CCSER1: variants seen among roughly 807,000 people sequenced by gnomAD.
CCSER1 encodes serine-rich coiled-coil domain-containing protein 1.
In CCSER1, 41 loss-of-function variants were observed where a neutral mutation model predicts 82.0. The observed-to-expected ratio is 0.50, with a 90% CI of 0.39 to 0.65. The LOEUF (loss-of-function observed/expected upper bound fraction) is 0.65, where lower values mean the gene tolerates loss of function less well. CCSER1 is among the 30% of genes least tolerant of loss of function. The probability of loss-of-function intolerance (pLI) is 0.00; values close to 1 mark genes in which losing one functional copy is unlikely to be tolerated. For missense variants in CCSER1, 1,119 were observed against 1,064.2 expected (o/e 1.05, Z -0.72); for synonymous variants, 414 against 383.9 (o/e 1.08, Z -0.92).
rs145317989 is a variant in CCSER1, at chr4:91,474,249, A to G, written c.2218-124323A>G. The stretch of plus-strand genomic sequence containing the variant: ...CATAAGTGTTTTCATTATTCCCTAT[A>G]TAACACCACAAAATGGATAAAAATC... On this transcript the variant is annotated intron_variant, in intron 10 of 10. Coordinates refer to ENST00000509176, the MANE Select transcript of CCSER1 (RefSeq NM_001145065.2). Among the ~76,000 whole-genome samples, 1,365 of 152,078 alleles carry G rather than the reference A, an allele frequency of 9.0e-3. 11 individuals carry two copies. The highest frequency in any genetic ancestry group is 0.041 in the Middle Eastern group (12 of 294).
chr4:90,142,626 C>T (rs1440706496), intron 1 of CCSER1, among the ~76,000 whole-genome samples: 1 of 145,484 alleles, frequency 6.9e-6, no homozygotes, highest in Non-Finnish European at 1.5e-5. Context: ...TTATTTACCA[C>T]TTTTTTTTTT....
chr4:91,205,991 C>A (rs868757541), intron 10 of CCSER1, among the ~76,000 whole-genome samples: 3 of 151,680 alleles, frequency 2.0e-5, no homozygotes, highest in Non-Finnish European at 2.9e-5. Context: ...ATGAGAAGTG[C>A]AGAGAGCTAA....
At chr4:90,271,826 T>TTATATATATATATATATATATATA (rs1189309598) in intron 1 of CCSER1, among the ~76,000 whole-genome samples, 10 of 42,868 alleles carry the variant, frequency 2.3e-4, no homozygotes, top group African/African-American at 8.0e-4. Context: ...ACTGGACAAT[T>TTATATATATATATATATATATATA]TATATATATA....
At chr4:90,190,549 T>C (rs1735437444) in intron 1 of CCSER1, among the ~76,000 whole-genome samples, 1 of 152,108 alleles carries the variant, frequency 6.6e-6, no homozygotes, top group Non-Finnish European at 1.5e-5. Flanking sequence ...CCACCGGGGC[T>C]TTCATGGATT....
In CCSER1 at chr4:90,405,785, A is replaced by G. The variant is rs186680219; in HGVS notation, c.1603+5656A>G. Reference sequence around the variant, plus strand: ...TAAGCTTCATAAATGAAGGAAAGATAAAGTCTTTTCCAGACAAATAAACAC... The same window carrying G: ...TAAGCTTCATAAATGAAGGAAAGATGAAGTCTTTTCCAGACAAATAAACAC... On this transcript the variant is annotated intron_variant, in intron 4 of 10. Coordinates refer to ENST00000509176, the MANE Select transcript of CCSER1 (RefSeq NM_001145065.2). 3.3e-3 allele frequency among the ~76,000 whole-genome samples: 502 copies of G among 152,304 alleles called. 2 individuals are homozygous for G. Among genetic ancestry groups the G allele is most frequent in the Non-Finnish European group, 4.7e-3 (317 of 68,026 alleles).
intron 1 of CCSER1, among the ~76,000 whole-genome samples, chr4:90,292,399 C>A (rs1731093399): frequency 6.6e-6 from 1 of 151,862 alleles, no homozygotes; most frequent in African/African-American, 2.4e-5. Context: ...TCACATAATT[C>A]ATCTAATCAG....
chr4:91,510,024 T>C (rs1759736368), intron 10 of CCSER1, among the ~76,000 whole-genome samples: 1 of 151,740 alleles, frequency 6.6e-6, no homozygotes, highest in Admixed American at 6.6e-5. Context: ...TCCCATCCCA[T>C]ATAGCCTTGT....
chr4:91,043,466 T>G (rs1742151405), intron 9 of CCSER1, among the ~76,000 whole-genome samples: 1 of 151,750 alleles, frequency 6.6e-6, no homozygotes, highest in Non-Finnish European at 1.5e-5. Flanking sequence ...AAATGCACAG[T>G]CCACATACAA....
intron 9 of CCSER1, among the ~76,000 whole-genome samples, chr4:90,981,107 C>G (rs1435016271): frequency 4.6e-5 from 7 of 151,904 alleles, no homozygotes; most frequent in South Asian, 2.1e-4. Context: ...CATCTCCCTA[C>G]CCCCTTGGGC....
intron 5 of CCSER1, among the ~76,000 whole-genome samples, chr4:90,493,306 A>G (rs1391750337): frequency 1.3e-5 from 2 of 152,204 alleles, no homozygotes; most frequent in Non-Finnish European, 2.9e-5. Flanking sequence ...CCTGAAAGTG[A>G]TGGGGAGAAT....
intron 7 of CCSER1, among the ~76,000 whole-genome samples, chr4:90,768,011 C>G (rs563247629): frequency 3.9e-5 from 6 of 152,288 alleles, no homozygotes; most frequent in African/African-American, 1.4e-4. Context: ...CAGTGATTCT[C>G]CCTTCTCAGT....
intron 6 of CCSER1, among the ~76,000 whole-genome samples, chr4:90,645,645 A>C (rs1177779353): frequency 6.6e-6 from 1 of 152,062 alleles, no homozygotes; most frequent in Non-Finnish European, 1.5e-5. Context: ...GTTTAACTTA[A>C]CTCTTGGTTT....
intron 1 of CCSER1, among the ~76,000 whole-genome samples, chr4:90,220,517 G>T (rs1207744445): frequency 1.3e-5 from 2 of 151,672 alleles, no homozygotes; most frequent in Non-Finnish European, 2.9e-5. Context: ...TAATGAACAG[G>T]ATTTCTGACA....
intron 6 of CCSER1, among the ~76,000 whole-genome samples, chr4:90,666,874 C>T (rs1336977681): frequency 2.0e-5 from 3 of 152,054 alleles, no homozygotes; most frequent in Non-Finnish European, 4.4e-5. Flanking sequence ...ACATTATGGG[C>T]ATGGGAGCGT....
At chr4:91,218,659 A>G (rs1009656355) in intron 10 of CCSER1, among the ~76,000 whole-genome samples, 4 of 152,208 alleles carry the variant, frequency 2.6e-5, no homozygotes, top group Non-Finnish European at 4.4e-5. Context: ...TTGTTCTTGT[A>G]TACTTAGCAC....
intron 8 of CCSER1, among the ~76,000 whole-genome samples, chr4:90,861,461 G>C (rs1765076925): frequency 6.6e-6 from 1 of 151,738 alleles, no homozygotes; most frequent in Non-Finnish European, 1.5e-5. Context: ...AAATAACTGA[G>C]AGGTTACATT....
At chr4:91,355,725 G>A (rs1748782167) in intron 10 of CCSER1, among the ~76,000 whole-genome samples, 1 of 152,152 alleles carries the variant, frequency 6.6e-6, no homozygotes, top group African/African-American at 2.4e-5. Flanking sequence ...GACTGGAGCA[G>A]GGCTTGTCAT....
At chr4:90,478,701 A>G (rs914071574) in intron 5 of CCSER1, among the ~76,000 whole-genome samples, 4 of 151,910 alleles carry the variant, frequency 2.6e-5, no homozygotes, top group African/African-American at 9.7e-5. Flanking sequence ...TGACAATTTA[A>G]AAAAAGAATA....
intron 10 of CCSER1, among the ~76,000 whole-genome samples, chr4:91,180,982 C>T (rs1201448685): frequency 2.0e-5 from 3 of 152,232 alleles, no homozygotes; most frequent in African/African-American, 7.2e-5. Flanking sequence ...AGGCACAGAT[C>T]ACTCATGCAA....
Sources: gnomAD v4.1 joint callset for allele counts (sites outside exome capture counted in the v4.1 genomes callset) on GRCh38, gnomAD v4.1.1 for gene constraint, MANE v1.5 for transcripts, NCBI Gene and HGNC (gene_info 2026-07-23, HGNC 2026-07-21) for gene names.